Variants in STRIP2 observed in about 807,000 individuals in gnomAD.
STRIP2 encodes striatin-interacting protein 2.
STRIP2 carries 84 observed loss-of-function variants against 107.1 expected under a neutral mutation model. That is an observed-to-expected ratio of 0.78 (90% CI 0.66 to 0.94). STRIP2 has a LOEUF of 0.94. STRIP2 is among the 40% of genes least tolerant of loss of function. The probability of loss-of-function intolerance (pLI) is 0.00; values close to 1 mark genes in which losing one functional copy is unlikely to be tolerated. For synonymous variants in STRIP2, 394 were observed against 400.4 expected (o/e 0.98, Z 0.19); for missense variants, 888 against 1,034.2 (o/e 0.86, Z 1.94).
rs1342140416 is a variant in STRIP2 at position 129,482,824 on chromosome 7, C to T, written c.2050-18C>T. 6.2e-7 allele frequency: 1 copy of T among 1,611,970 alleles called. No individual in the cohort carries two copies. The highest frequency in any genetic ancestry group is 1.7e-5 in the Admixed American group (1 of 59,976). ...AAGAAACGTTAGATCTTTACCCCAC[C>T]CCTCTTTCAATGAACAGATGCTGGT... On this transcript the variant is annotated intron_variant, in intron 19 of 20. Coordinates refer to ENST00000249344, the MANE Select transcript of STRIP2 (RefSeq NM_020704.3).
chr7:129,454,274 C>G, intron 6 of STRIP2, 64 bp downstream of exon 6: 2 of 1,568,376 alleles, frequency 1.3e-6, no homozygotes, highest in East Asian at 2.2e-5. Context: ...TACCTTTTCC[C>G]CAAATCCCAG....
At chr7:129,475,238 T>C (rs1218294910) in intron 18 of STRIP2, among the ~76,000 whole-genome samples, 3 of 152,212 alleles carry the variant, frequency 2.0e-5, no homozygotes, top group Non-Finnish European at 4.4e-5. Flanking sequence ...TGAATGGTTG[T>C]TGAGAGCAGT....
Position 129,464,160 on chromosome 7 carries a change from G to T in STRIP2, c.1649+19G>T, listed in dbSNP as rs754104255. ...AGATGCCGTGAGTGCTTCAACGGGG[G>T]CAGCTGCTGGATACTAGCTGTCTTA... On this transcript the variant is annotated intron_variant, in intron 15 of 20. Transcript: ENST00000249344. 5 of 1,570,652 alleles carry T rather than the reference G, an allele frequency of 3.2e-6. No homozygotes were observed. In the Admixed American group the frequency reaches 6.7e-5, roughly 21 times the overall value.
At chr7:129,462,047 G>A (rs1391591801) in intron 13 of STRIP2, among the ~76,000 whole-genome samples, 5 of 152,202 alleles carry the variant, frequency 3.3e-5, no homozygotes, top group Non-Finnish European at 5.9e-5. Flanking sequence ...GAAGATGAGT[G>A]TGTGCCTGTC....
chr7:129,445,966 A>G (rs1798022791), intron 3 of STRIP2, among the ~76,000 whole-genome samples: 2 of 152,274 alleles, frequency 1.3e-5, no homozygotes, highest in Non-Finnish European at 2.9e-5. Context: ...GTCCAATACA[A>G]TCAACCTGCC....
chr7:129,455,120 A>G, intron 7 of STRIP2, 124 bp from the exon 8 acceptor site: 2 of 1,215,308 alleles, frequency 1.6e-6, no homozygotes, highest in Non-Finnish European at 1.1e-6. Flanking sequence ...CTCAGGACCA[A>G]GTACTCTGGT....
At chr7:129,465,155 C>T (rs1050219553) in intron 16 of STRIP2, among the ~76,000 whole-genome samples, 1 of 152,140 alleles carries the variant, frequency 6.6e-6, no homozygotes, top group African/African-American at 2.4e-5. Context: ...TCTGGCTCTT[C>T]AGGGCCTTGA....
intron 17 of STRIP2, among the ~76,000 whole-genome samples, chr7:129,467,939 TCTC>T (rs756686922): frequency 3.9e-5 from 6 of 152,212 alleles, no homozygotes; most frequent in Non-Finnish European, 5.9e-5. Flanking sequence ...CATTATTTAA[TCTC>T]CTCAGCAATG....
At chr7:129,477,182 AC>A (rs1198135191) in intron 18 of STRIP2, among the ~76,000 whole-genome samples, 1 of 19,824 alleles carries the variant, frequency 5.0e-5, no homozygotes, top group Non-Finnish European at 1.2e-4. Flanking sequence ...GGAGAGGGAG[AC>A]CGTGGGGAGA....
intron 18 of STRIP2, among the ~76,000 whole-genome samples, chr7:129,471,239 G>A (rs1477420457): frequency 6.6e-6 from 1 of 152,110 alleles, no homozygotes; most frequent in African/African-American, 2.4e-5. Context: ...AGGCAAATCA[G>A]AAAAGTCACT....
rs777695591 is a variant in STRIP2 at position 129,458,173 on chromosome 7, G to A, written c.1039-42G>A. 1.3e-6 allele frequency: 2 copies of A among 1,525,138 alleles called. No individual in the cohort carries two copies. Among genetic ancestry groups the A allele is most frequent in the Non-Finnish European group, 1.8e-6 (2 of 1,101,866 alleles). 94.5% of individuals were successfully genotyped at this position (1,525,138 alleles called of 1,614,324 possible). A position where few individuals can be genotyped will look rare whatever the true frequency, so the allele number is the denominator to read the frequency against. On this transcript the variant is annotated intron_variant, in intron 9 of 20. Transcript: ENST00000249344. This position sits in a 1 kb window ranked among gnomAD's most constrained non-coding sequence, Gnocchi z 4.6. Reference sequence around the variant, plus strand: ...GTGGCCTCAGACAAGGATGCCCAGAGTGAGATCTCTGCATGCCTACCCTCC... The same window carrying A: ...GTGGCCTCAGACAAGGATGCCCAGAATGAGATCTCTGCATGCCTACCCTCC...
chr7:129,484,807 C>T (rs989318835), intron 20 of STRIP2, among the ~76,000 whole-genome samples: 5 of 152,204 alleles, frequency 3.3e-5, no homozygotes, highest in African/African-American at 1.2e-4. Flanking sequence ...GCAAATGGCA[C>T]ATCTGTTGTT....
At position 129,458,546 on chromosome 7, in the gene STRIP2, G is replaced by A; in HGVS notation, c.1274+96G>A. ...CTATGTATTCAAGGCTCGTTAAGTT[G>A]GTCTGGCAGTCAGAACTCCTGGGTT... On this transcript the variant is annotated intron_variant, in intron 10 of 20. Transcript: ENST00000249344. This position sits in a 1 kb window ranked among gnomAD's most constrained non-coding sequence, Gnocchi z 4.6. The A allele has an allele frequency of 2.4e-6, 3 of 1,272,992 alleles. No individual in the cohort carries two copies. The South Asian group carries it at 4.3e-5, about 18-fold the overall frequency. The allele number at this position is 1,272,992 out of a possible 1,614,324, so 78.9% of individuals were successfully genotyped here.
intron 15 of STRIP2, 126 bp from the exon 16 acceptor site, chr7:129,464,482 TGGCA>T: frequency 1.0e-6 from 1 of 983,676 alleles, no homozygotes; most frequent in Non-Finnish European, 1.5e-6. Flanking sequence ...GAGGTTTCCC[TGGCA>T]CAGAAGTTCA....
chr7:129,452,340 C>T (rs547211401), intron 4 of STRIP2, among the ~76,000 whole-genome samples: 45 of 151,632 alleles, frequency 3.0e-4, no homozygotes, highest in African/African-American at 8.7e-4. Context: ...AATAAGCCTA[C>T]GATCATAAAT....
intron 19 of STRIP2, among the ~76,000 whole-genome samples, chr7:129,481,195 T>C (rs1799107256): frequency 6.6e-6 from 1 of 152,160 alleles, no homozygotes; most frequent in Admixed American, 6.5e-5. Flanking sequence ...CATTGCAACA[T>C]TGTTTATAAT....
chr7:129,459,585 CTGGGG>C lies in STRIP2; in HGVS notation c.1404+10_1404+14del. 1 of 1,613,204 alleles carries C rather than the reference CTGGGG, an allele frequency of 6.2e-7. No individual in the cohort carries two copies. Among genetic ancestry groups the C allele is most frequent in the Non-Finnish European group, 8.5e-7 (1 of 1,179,226 alleles). ...AGTGTGAAGACCCTAAAGCAGGTGA[CTGGGG>C]TGGGCTCTCAGTCTTCAGGGATAGG... On this transcript the variant is annotated splice_donor_region_variant and intron_variant, in intron 12 of 20. Coordinates refer to ENST00000249344, the MANE Select transcript of STRIP2 (RefSeq NM_020704.3).
chr7:129,474,506 G>A (rs1323700694), intron 18 of STRIP2, among the ~76,000 whole-genome samples: 1 of 151,930 alleles, frequency 6.6e-6, no homozygotes, highest in East Asian at 1.9e-4. Context: ...ATTCCTAGAA[G>A]TGGAATTATT....
At position 129,459,978 on chromosome 7, in the gene STRIP2, A is replaced by G. The variant is rs1310491842; in HGVS notation, c.1405-323A>G. On this transcript the variant is annotated intron_variant, in intron 12 of 20. Coordinates refer to ENST00000249344, the MANE Select transcript of STRIP2 (RefSeq NM_020704.3). ...TCCATGCATACGTGCACACGCATCA[A>G]AATTCTCAGGGCAGTGGTCCAGGGG... Among the ~76,000 whole-genome samples the G allele has an allele frequency of 2.6e-5, 4 of 152,292 alleles. No individual in the cohort carries two copies. The East Asian group carries it at 7.7e-4, about 29-fold the overall frequency.
Sources: allele counts gnomAD v4.1 joint callset (sites outside exome capture counted in the v4.1 genomes callset), GRCh38; gene constraint gnomAD v4.1.1; non-coding constraint Gnocchi (gnomAD v3.1); transcripts MANE v1.5; gene names NCBI Gene and HGNC (gene_info 2026-07-23, HGNC 2026-07-21).